Variants in PTPRO observed in about 807,000 individuals in gnomAD.
PTPRO encodes protein tyrosine phosphatase receptor type O.
Under a neutral mutation model 145.2 loss-of-function variants are expected in PTPRO, and 62 were observed. The observed-to-expected ratio is 0.43, with a 90% CI of 0.35 to 0.53. The LOEUF (loss-of-function observed/expected upper bound fraction) is 0.53, where lower values mean the gene tolerates loss of function less well. Among genes scored for constraint, PTPRO ranks in the 20% least tolerant of loss-of-function variants. The pLI, the probability that PTPRO is intolerant of heterozygous loss-of-function variation, is 0.01. For synonymous variants in PTPRO, 565 were observed against 514.7 expected (o/e 1.10, Z -1.32); for missense variants, 1,345 against 1,482.7 (o/e 0.91, Z 1.53).
At chr12:15,525,652 C>G (rs952856486) in intron 11 of PTPRO, among the ~76,000 whole-genome samples, 14 of 152,196 alleles carry the variant, frequency 9.2e-5, no homozygotes, top group Non-Finnish European at 1.9e-4. Flanking sequence ...GTGAACTGAA[C>G]TGTCATTTGT....
At chr12:15,333,917 T>G (rs772639640) in intron 1 of PTPRO, among the ~76,000 whole-genome samples, 3 of 152,200 alleles carry the variant, frequency 2.0e-5, no homozygotes, top group Non-Finnish European at 2.9e-5. Context: ...TTCTGATCAT[T>G]TATTCTCCAT....
intron 25 of PTPRO, among the ~76,000 whole-genome samples, chr12:15,594,701 G>A (rs2135682044): frequency 6.6e-6 from 1 of 151,854 alleles, no homozygotes; most frequent in East Asian, 1.9e-4. Flanking sequence ...AATAAAGTTA[G>A]GGGAAAAAAA....
intron 24 of PTPRO, 45 bp from the exon 25 acceptor site, chr12:15,589,410 A>G: frequency 6.2e-7 from 1 of 1,612,392 alleles, no homozygotes; most frequent in African/African-American, 1.3e-5. Context: ...GAGAAAAAAA[A>G]GAAGCACCAT....
At chr12:15,515,671 G>A (rs968605130) in intron 8 of PTPRO, 53 bp downstream of exon 8, 9 of 1,608,608 alleles carry the variant, frequency 5.6e-6, no homozygotes, top group Non-Finnish European at 7.7e-6. Flanking sequence ...GGGTATTGAC[G>A]GAGGGGTGCA....
intron 12 of PTPRO, among the ~76,000 whole-genome samples, chr12:15,538,421 C>T (rs771117940): frequency 1.2e-4 from 18 of 152,112 alleles, no homozygotes; most frequent in Non-Finnish European, 1.9e-4. Context: ...GATGGGGTTT[C>T]ACCATTTTGG....
Position 15,578,767 on chromosome 12 carries a change from A to C in PTPRO, c.2830-86A>C, listed in dbSNP as rs1944241900. ...GAGCTACTGCAATGTCATATAGCAA[A>C]GGGCTTGTGAGCAATAAACCAGTTG... On this transcript the variant is annotated intron_variant, in intron 19 of 26. Transcript: ENST00000281171. 39 of 1,026,858 alleles carry C rather than the reference A, an allele frequency of 3.8e-5. No individual in the cohort carries two copies. The South Asian group carries it at 5.1e-4, about 14-fold the overall frequency. 63.6% of individuals were successfully genotyped at this position (1,026,858 alleles called of 1,614,324 possible).
chr12:15,535,314 G>C (rs1316317376), intron 12 of PTPRO, among the ~76,000 whole-genome samples: 1 of 152,288 alleles, frequency 6.6e-6, no homozygotes, highest in East Asian at 1.9e-4. Flanking sequence ...GGGAAGAAAA[G>C]AGAAGCCCTG....
chr12:15,464,598 A>T (rs1941376871), intron 1 of PTPRO, among the ~76,000 whole-genome samples: 1 of 150,938 alleles, frequency 6.6e-6, no homozygotes, highest in Non-Finnish European at 1.5e-5. Flanking sequence ...ACCTCAAGTG[A>T]TCTGCCCACC....
chr12:15,460,908 G>T (rs1015064494), intron 1 of PTPRO, among the ~76,000 whole-genome samples: 2 of 151,988 alleles, frequency 1.3e-5, no homozygotes, highest in African/African-American at 2.4e-5. Flanking sequence ...ATCTCTCCTT[G>T]TTCCCCTTGT....
At chr12:15,425,092 A>G (rs919293929) in intron 1 of PTPRO, among the ~76,000 whole-genome samples, 17 of 152,168 alleles carry the variant, frequency 1.1e-4, no homozygotes, top group African/African-American at 3.6e-4. Flanking sequence ...TGTTGTTTGC[A>G]TTTTGACTTG....
intron 19 of PTPRO, among the ~76,000 whole-genome samples, chr12:15,574,074 A>G (rs749617761): frequency 1.3e-5 from 2 of 152,194 alleles, no homozygotes; most frequent in Non-Finnish European, 2.9e-5. Context: ...TCACATTCAC[A>G]TTGAGAAATC....
intron 15 of PTPRO, among the ~76,000 whole-genome samples, chr12:15,553,006 G>C (rs1943511429): frequency 6.6e-6 from 1 of 151,780 alleles, no homozygotes. Flanking sequence ...CACCATGTTG[G>C]CCAGGCTTGT....
At chr12:15,527,592 T>C (rs918103506) in intron 12 of PTPRO, among the ~76,000 whole-genome samples, 10 of 152,220 alleles carry the variant, frequency 6.6e-5, no homozygotes, top group Admixed American at 5.9e-4. Context: ...CACAGGTCCC[T>C]TGGGCATGAG....
intron 25 of PTPRO, among the ~76,000 whole-genome samples, chr12:15,593,560 A>C (rs921026564): frequency 6.6e-6 from 1 of 152,128 alleles, no homozygotes; most frequent in East Asian, 1.9e-4. Context: ...CTCATTTAGG[A>C]TTTTACTATG....
chr12:15,502,182 G>A (rs891483218), intron 5 of PTPRO, 119 bp downstream of exon 5: 5 of 1,005,606 alleles, frequency 5.0e-6, no homozygotes, highest in East Asian at 5.0e-5. Flanking sequence ...AAGAATAATG[G>A]TAATGAAAGG....
intron 2 of PTPRO, among the ~76,000 whole-genome samples, chr12:15,494,069 T>C (rs1431688377): frequency 6.6e-6 from 1 of 152,110 alleles, no homozygotes; most frequent in African/African-American, 2.4e-5. Flanking sequence ...TACAAATATA[T>C]AAGTTTAAAA....
intron 23 of PTPRO, among the ~76,000 whole-genome samples, chr12:15,583,699 T>C (rs957120394): frequency 6.6e-6 from 1 of 152,150 alleles, no homozygotes; most frequent in African/African-American, 2.4e-5. Flanking sequence ...ACTAAAATAT[T>C]TACTAACTGT....
intron 1 of PTPRO, chr12:15,346,717 T>C (rs79320490): frequency 2.0e-5 from 3 of 152,312 alleles, no homozygotes; most frequent in East Asian, 3.9e-4. Flanking sequence ...GTCATGAGGA[T>C]AGGGAGACCA....
intron 1 of PTPRO, among the ~76,000 whole-genome samples, chr12:15,467,840 T>C (rs770708444): frequency 1.3e-5 from 2 of 152,202 alleles, no homozygotes; most frequent in African/African-American, 2.4e-5. Context: ...GTTCCATGGA[T>C]GATCCACTCA....
Sources: allele counts gnomAD v4.1 joint callset (sites outside exome capture counted in the v4.1 genomes callset), GRCh38; gene constraint gnomAD v4.1.1; transcripts MANE v1.5; gene names NCBI Gene and HGNC (gene_info 2026-07-23, HGNC 2026-07-21).